LARGE1: variants seen among roughly 807,000 people sequenced by gnomAD.
The protein encoded by LARGE1 is xylosyl- and glucuronyltransferase LARGE1.
LARGE1 carries 43 observed loss-of-function variants against 87.6 expected under a neutral mutation model. That is an observed-to-expected ratio of 0.49 (90% CI 0.38 to 0.63). LARGE1 has a LOEUF of 0.63. Among genes scored for constraint, LARGE1 ranks in the 30% least tolerant of loss-of-function variants. The pLI, the probability that LARGE1 is intolerant of heterozygous loss-of-function variation, is 0.00. For missense variants in LARGE1, 802 were observed against 1,000.2 expected, an observed-to-expected ratio of 0.80 and a Z score of 2.67; for synonymous variants, 434 against 394.6, an observed-to-expected ratio of 1.10 and a Z score of -1.18.
chr22:33,711,271 G>T (rs909480874), intron 2 of LARGE1, among the ~76,000 whole-genome samples: 2 of 152,194 alleles, frequency 1.3e-5, no homozygotes, highest in African/African-American at 2.4e-5. Flanking sequence ...CGTCCAGGGG[G>T]TCTGCAGCAG....
chr22:33,483,716 A>G (rs2148223274), intron 6 of LARGE1, among the ~76,000 whole-genome samples: 1 of 152,304 alleles, frequency 6.6e-6, no homozygotes, highest in African/African-American at 2.4e-5. Context: ...TCGTTAAAGG[A>G]CGATTAAATT....
Position 33,386,080 on chromosome 22 carries a change from G to A in LARGE1, c.893-1776C>T, listed in dbSNP as rs2065313999. On this transcript the variant is annotated intron_variant, in intron 7 of 14. Coordinates refer to ENST00000397394, the MANE Select transcript of LARGE1 (RefSeq NM_133642.5). ...TGGGAAGATTGGGTTAATACACAGA[G>A]ATCTGAACTTGTAAGTCTGAAGGAC... 1.3e-5 allele frequency among the ~76,000 whole-genome samples: 2 copies of A among 148,828 alleles called. 1 individual carries two copies. The highest frequency in any genetic ancestry group is 3.0e-5 in the Non-Finnish European group (2 of 66,542).
chr22:33,300,819 C>T (rs770430628), intron 12 of LARGE1, among the ~76,000 whole-genome samples: 8 of 152,260 alleles, frequency 5.3e-5, no homozygotes, highest in East Asian at 1.9e-4. Flanking sequence ...GGATTACACG[C>T]GTGAGCCACC....
In LARGE1 at chr22:33,291,038, CA is replaced by C. The variant is rs538205175; in HGVS notation, c.1731-7691del. Among the ~76,000 whole-genome samples the C allele has an allele frequency of 2.3e-3, 311 of 134,238 alleles. 2 individuals are homozygous for C. The highest frequency in any genetic ancestry group is 0.015 in the East Asian group (71 of 4,674). 88.1% of individuals were successfully genotyped at this position (134,238 alleles called of 152,430 possible). A position where few individuals can be genotyped will look rare whatever the true frequency, so the allele number is the denominator to read the frequency against. ...TGGGCAACAGAGCGAGACTCCATCT[CA>C]AAAAAAAAAAAAGAAGTTCCCTTCC... On this transcript the variant is annotated intron_variant, in intron 12 of 14. Transcript: ENST00000397394.
the LARGE1 span, among the ~76,000 whole-genome samples, chr22:33,114,205 G>C: frequency 6.6e-6 from 1 of 152,036 alleles, no homozygotes; most frequent in Non-Finnish European, 1.5e-5. Flanking sequence ...AGTGACAATG[G>C]GCTGTTGCAA....
intron 2 of LARGE1, 47 bp downstream of exon 2, chr22:33,761,324 G>A (rs1266121681): frequency 3.6e-6 from 5 of 1,398,960 alleles, no homozygotes; most frequent in Non-Finnish European, 5.1e-6. Flanking sequence ...GACAGCTAAT[G>A]TTCCCTTTCT....
intron 12 of LARGE1, among the ~76,000 whole-genome samples, chr22:33,303,808 A>AG (rs35955838): frequency 0.09 from 13,199 of 146,510 alleles, 706 homozygotes; most frequent in African/African-American, 0.15. Context: ...TATTTTTAGT[A>AG]GGGGGGGGGT....
chr22:33,407,142 G>A (rs772536777), intron 7 of LARGE1, among the ~76,000 whole-genome samples: 2 of 151,726 alleles, frequency 1.3e-5, no homozygotes, highest in Admixed American at 6.6e-5. Flanking sequence ...CATATGCCAG[G>A]GACCACTCTA....
intron 1 of LARGE1, among the ~76,000 whole-genome samples, chr22:33,853,035 T>A (rs551369005): frequency 1.3e-5 from 2 of 151,952 alleles, no homozygotes; most frequent in Non-Finnish European, 2.9e-5. Context: ...TGAGAAAGTC[T>A]TGATGGAAAT....
chr22:33,769,842 T>A (rs1455896980), intron 1 of LARGE1, among the ~76,000 whole-genome samples: 3 of 152,194 alleles, frequency 2.0e-5, no homozygotes, highest in Non-Finnish European at 4.4e-5. Context: ...CTCTCCTGGA[T>A]CCTCCTGCCA....
At position 33,200,142 on chromosome 22, in the gene LARGE1, C is replaced by T. The variant is rs548463962; in HGVS notation, c.1731-33310G>A. Among the ~76,000 whole-genome samples the T allele has an allele frequency of 2.0e-5, 3 of 152,212 alleles. No homozygotes were observed. In the East Asian group the frequency reaches 5.8e-4, roughly 29 times the overall value. On this transcript the variant is annotated intron_variant, in intron 11 of 11. Transcript: ENST00000608642. Reference sequence around the variant, plus strand: ...GTTTACAAGTGTGAGCCACTGCGCCCAGCCGACACTCTTTTAATTGCTAGG... The same window carrying T: ...GTTTACAAGTGTGAGCCACTGCGCCTAGCCGACACTCTTTTAATTGCTAGG...
At chr22:33,088,582 G>A in the LARGE1 span, among the ~76,000 whole-genome samples, 181 of 152,264 alleles carry the variant, frequency 1.2e-3, no homozygotes, top group Middle Eastern at 0.014. Context: ...AGGGAGGCCC[G>A]TGTTACTGGC....
intron 11 of LARGE1, among the ~76,000 whole-genome samples, chr22:33,240,017 G>A (rs1418414516): frequency 6.6e-6 from 1 of 152,288 alleles, no homozygotes; most frequent in East Asian, 1.9e-4. Context: ...AGACGCCTAT[G>A]AGTGAAAAGC....
chr22:33,374,460 G>A (rs988575639), intron 9 of LARGE1, among the ~76,000 whole-genome samples: 1 of 152,064 alleles, frequency 6.6e-6, no homozygotes, highest in African/African-American at 2.4e-5. Context: ...TTTCTCTATC[G>A]TCTTTTGATA....
At chr22:33,725,303 G>T (rs1419910149) in intron 2 of LARGE1, among the ~76,000 whole-genome samples, 1 of 152,206 alleles carries the variant, frequency 6.6e-6, no homozygotes, top group African/African-American at 2.4e-5. Context: ...GAGCACAGAG[G>T]CGACAGGGTG....
intron 5 of LARGE1, among the ~76,000 whole-genome samples, chr22:33,594,210 T>C (rs1024876565): frequency 1.3e-5 from 2 of 152,200 alleles, no homozygotes; most frequent in Non-Finnish European, 2.9e-5. Context: ...AGGTATACAA[T>C]TCCTTTTGGT....
At chr22:33,114,957 T>C in the LARGE1 span, among the ~76,000 whole-genome samples, 10 of 152,198 alleles carry the variant, frequency 6.6e-5, no homozygotes, top group African/African-American at 9.7e-5. Context: ...AATTTTCTTA[T>C]TGTATTTGGA....
intron 6 of LARGE1, among the ~76,000 whole-genome samples, chr22:33,564,311 T>C (rs2077955834): frequency 6.6e-6 from 1 of 152,206 alleles, no homozygotes; most frequent in Admixed American, 6.5e-5. Context: ...TACTCTCATA[T>C]ACCTTGAGGC....
chr22:33,869,549 G>T (rs956314682), intron 1 of LARGE1, among the ~76,000 whole-genome samples: 1 of 152,098 alleles, frequency 6.6e-6, no homozygotes, highest in African/African-American at 2.4e-5. Flanking sequence ...TGGTTTGCAG[G>T]GGTACTACAA....
Sources: allele counts gnomAD v4.1 joint callset (sites outside exome capture counted in the v4.1 genomes callset), GRCh38; gene constraint gnomAD v4.1.1; transcripts MANE v1.5; gene names NCBI Gene and HGNC (gene_info 2026-07-23, HGNC 2026-07-21).